The following MPDZ variants were observed in gnomAD, a reference collection of about 807,000 sequenced individuals.
The protein encoded by MPDZ is multiple PDZ domain protein.
MPDZ carries 234 observed loss-of-function variants against 239.1 expected under a neutral mutation model. The observed-to-expected ratio is 0.98, with a 90% CI of 0.88 to 1.09. The LOEUF (loss-of-function observed/expected upper bound fraction) is 1.09, where lower values mean the gene tolerates loss of function less well. Ranked by LOEUF, MPDZ falls within the 50% of genes least tolerant of loss-of-function variation. The pLI, the probability that MPDZ is intolerant of heterozygous loss-of-function variation, is 0.00. For synonymous variants in MPDZ, 1,048 were observed against 881.3 expected (o/e 1.19, Z -3.35); for missense variants, 3,175 against 2,510.0 (o/e 1.26, Z -5.66).
rs1319503112 is a variant in MPDZ at position 13,115,249 on chromosome 9, T to TG, written c.5464dup (p.Gln1822ProfsTer4). 1.2e-6 allele frequency: 2 copies of TG among 1,611,904 alleles called. No homozygotes were observed. The highest frequency in any genetic ancestry group is 2.7e-5 in the African/African-American group (2 of 74,884). ...CTGATGAACTCCACAGCTACCCACC[T>TG]GGCTGCTTTGAGATGGCCTCCTCTC... On this transcript the variant is annotated frameshift_variant and splice_region_variant, in exon 40 of 47. Transcript: ENST00000319217. LOFTEE classifies it high-confidence loss of function.
At chr9:13,162,335 A>G (rs776798699) in intron 23 of MPDZ, among the ~76,000 whole-genome samples, 103 of 152,116 alleles carry the variant, frequency 6.8e-4, no homozygotes, top group Non-Finnish European at 1.2e-3. Flanking sequence ...ATTTCTGAAG[A>G]AGTTTGCTAA....
intron 21 of MPDZ, among the ~76,000 whole-genome samples, chr9:13,173,912 A>C (rs947555579): frequency 1.3e-5 from 2 of 152,274 alleles, no homozygotes; most frequent in South Asian, 2.1e-4. Context: ...GCTGCAGCAG[A>C]AGTTCTGTGT....
intron 31 of MPDZ, 31 bp downstream of exon 31, chr9:13,136,061 T>C (rs1946690921): frequency 7.1e-7 from 1 of 1,403,444 alleles, no homozygotes; most frequent in Middle Eastern, 1.8e-4. Context: ...AATCAAGTCT[T>C]CCCAGAGAAA....
intron 17 of MPDZ, among the ~76,000 whole-genome samples, chr9:13,187,605 G>C (rs1954299015): frequency 6.6e-6 from 1 of 151,792 alleles, no homozygotes; most frequent in African/African-American, 2.4e-5. Flanking sequence ...ATTTTAATAG[G>C]CTACTGAAAT....
chr9:13,246,006 G>A (rs903064725), intron 3 of MPDZ, among the ~76,000 whole-genome samples: 2 of 151,770 alleles, frequency 1.3e-5, no homozygotes, highest in African/African-American at 2.4e-5. Context: ...TTCTAATCAT[G>A]TTTTCACATA....
rs142783219 is a variant in MPDZ, at chr9:13,108,242, C to T, written c.6066+694G>A. Among the ~76,000 whole-genome samples, 74 of 152,132 alleles carry T rather than the reference C, an allele frequency of 4.9e-4. 1 individual carries two copies. In the Middle Eastern group the frequency reaches 0.02, roughly 42 times the overall value. ...GTCGAATTTTGTAGCCCCTGAAAAA[C>T]GACTTAACATATTAACAATAATTAC... On this transcript the variant is annotated intron_variant, in intron 46 of 46. Coordinates refer to ENST00000319217, the MANE Select transcript of MPDZ (RefSeq NM_001378778.1).
intron 22 of MPDZ, among the ~76,000 whole-genome samples, chr9:13,165,728 A>C (rs1244581869): frequency 6.6e-6 from 1 of 152,162 alleles, no homozygotes; most frequent in Non-Finnish European, 1.5e-5. Flanking sequence ...TATCTGGCAG[A>C]TGTTATAAGC....
At chr9:13,122,552 ACT>A (rs1465339387) in intron 36 of MPDZ, among the ~76,000 whole-genome samples, 2 of 144,240 alleles carry the variant, frequency 1.4e-5, no homozygotes, top group African/African-American at 2.7e-5. Context: ...ACGTAGTCTC[ACT>A]CTGTCACCCA....
At chr9:13,194,916 A>T (rs2135211313) in intron 13 of MPDZ, among the ~76,000 whole-genome samples, 1 of 152,194 alleles carries the variant, frequency 6.6e-6, no homozygotes, top group South Asian at 2.1e-4. Flanking sequence ...ATTTTTCCTT[A>T]GGTCAATTTA....
chr9:13,125,112 C>G, intron 35 of MPDZ, 104 bp downstream of exon 35: 1 of 1,113,734 alleles, frequency 9.0e-7, no homozygotes. Flanking sequence ...CTACAACCTT[C>G]CAAACAGTGA....
rs768944873 is a variant in MPDZ, at chr9:13,205,965, G to A, written c.1425C>T (p.Asp475=). Residue 475 remains aspartate, a synonymous_variant, in exon 11 of 47, where the codon GAC becomes GAT. Transcript: ENST00000319217. Reference sequence around the variant, plus strand: ...GAGACAAATCTGCATCTTTTGTGACGTCTTCCCTTGACATGAGCTCGGCTT... The same window carrying A: ...GAGACAAATCTGCATCTTTTGTGACATCTTCCCTTGACATGAGCTCGGCTT... ...KQEAELMSRE[D]VTKDADLSPV... is the part of the protein sequence containing the mutation. 1.8e-5 allele frequency: 29 copies of A among 1,609,024 alleles called. 1 individual carries two copies. Among genetic ancestry groups the A allele is most frequent in the South Asian group, 6.7e-5 (6 of 89,484 alleles).
In MPDZ at chr9:13,123,088, C is replaced by A. The variant is rs562413363; in HGVS notation, c.4953+65G>T. 3.0e-4 allele frequency: 444 copies of A among 1,477,734 alleles called. 2 individuals carry two copies. The South Asian group carries it at 5.7e-3, about 19-fold the overall frequency. The allele number at this position is 1,477,734 out of a possible 1,614,324, so 91.5% of individuals were successfully genotyped here. ...TTACTAGAACTGATAGAAATCTCCC[C>A]ATAATCGTCTCTGAGGCCTGGCTGA... On this transcript the variant is annotated intron_variant, in intron 36 of 46. Coordinates refer to ENST00000319217, the MANE Select transcript of MPDZ (RefSeq NM_001378778.1).
chr9:13,109,725 C>T (rs914028919), intron 45 of MPDZ, among the ~76,000 whole-genome samples: 7 of 152,142 alleles, frequency 4.6e-5, no homozygotes, highest in South Asian at 2.1e-4. Flanking sequence ...GGTAGTAGCA[C>T]GCATATCTAT....
At position 13,105,841 on chromosome 9, in the gene MPDZ, G is replaced by C. The variant is rs1941395180; in HGVS notation, c.*1124C>G. The C allele has an allele frequency of 6.6e-6, 1 of 152,118 alleles. No individual in the cohort carries two copies. Among genetic ancestry groups the C allele is most frequent in the South Asian group, 2.1e-4 (1 of 4,830 alleles). 9.4% of individuals were successfully genotyped at this position (152,118 alleles called of 1,614,324 possible). On this transcript the variant is annotated 3_prime_UTR_variant, in exon 47 of 47. Transcript: ENST00000319217. ...AGTGACTTTATATATTCTAATGTAG[G>C]AGTTTCACGCTCTAAAATGGGAATG...
At position 13,206,105 on chromosome 9, in the gene MPDZ, A is replaced by AT. The variant is rs749622713; in HGVS notation, c.1291-7dup. The AT allele has an allele frequency of 2.6e-6, 4 of 1,544,976 alleles. No individual in the cohort carries two copies. In the East Asian group the frequency reaches 6.9e-5, roughly 27 times the overall value. On this transcript the variant is annotated splice_polypyrimidine_tract_variant and splice_region_variant and intron_variant, in intron 10 of 46. Transcript: ENST00000319217. ...TGAAGGTTTGTGCCATCTACCTGTG[A>AT]TTAAAAAAAAAAAAAAGCATGTTAC...
chr9:13,116,785 A>G (rs1291032897), intron 39 of MPDZ, among the ~76,000 whole-genome samples: 1 of 152,204 alleles, frequency 6.6e-6, no homozygotes, highest in African/African-American at 2.4e-5. Context: ...AATTTTGGAA[A>G]TAAAATGAAA....
At chr9:13,231,536 A>G (rs1962467673) in intron 3 of MPDZ, among the ~76,000 whole-genome samples, 1 of 152,124 alleles carries the variant, frequency 6.6e-6, no homozygotes. Context: ...AGCCTGGGTG[A>G]CAAAGAGCAA....
rs745408114 is a variant in MPDZ at position 13,114,007 on chromosome 9, G to A, written c.5481C>T (p.Ser1827=). ...PSQSSQVSEG[S]LSSFTFPLSG... Reference sequence around the variant, plus strand: ...AGAGTGGAAAAGTGAAAGATGACAGGCTGCCTTCACTCACCTACAAATATA... The same window carrying A: ...AGAGTGGAAAAGTGAAAGATGACAGACTGCCTTCACTCACCTACAAATATA... Residue 1827 remains serine (S), a synonymous_variant, in exon 41 of 47, where the codon AGC becomes AGT. Transcript: ENST00000319217. 5 of 1,593,786 alleles carry A rather than the reference G, an allele frequency of 3.1e-6. No homozygotes were observed. The South Asian group carries it at 5.7e-5, about 18-fold the overall frequency.
intron 10 of MPDZ, among the ~76,000 whole-genome samples, 166 bp from the exon 11 acceptor site, chr9:13,206,265 C>G (rs904033986): frequency 6.6e-6 from 1 of 151,940 alleles, no homozygotes; most frequent in Non-Finnish European, 1.5e-5. Flanking sequence ...CTTTGGAAAC[C>G]AGTATTAACA....
Sources: allele counts gnomAD v4.1 joint callset (sites outside exome capture counted in the v4.1 genomes callset), GRCh38; gene constraint gnomAD v4.1.1; transcripts MANE v1.5; gene names NCBI Gene and HGNC (gene_info 2026-07-23, HGNC 2026-07-21).